HMGB1: variants seen among roughly 807,000 people sequenced by gnomAD.
HMGB1 encodes high mobility group protein B1.
For missense variants in HMGB1, 79 were observed against 253.5 expected, an observed-to-expected ratio of 0.31 and a Z score of 4.67; for synonymous variants, 81 against 84.0, an observed-to-expected ratio of 0.96 and a Z score of 0.19.
At chr13:30,506,306 C>T (rs1456876425) in intron 1 of HMGB1, among the ~76,000 whole-genome samples, 1 of 152,148 alleles carries the variant, frequency 6.6e-6, no homozygotes, top group Non-Finnish European at 1.5e-5. Context: ...GACTGAAGGG[C>T]ATATTCTCCT....
At chr13:30,477,224 T>C (rs558208492) in intron 1 of HMGB1, among the ~76,000 whole-genome samples, 1 of 152,328 alleles carries the variant, frequency 6.6e-6, no homozygotes, top group South Asian at 2.1e-4. Context: ...AGTTTGCATA[T>C]ATAAAATCTG....
At chr13:30,556,351 C>T (rs1172135087) in intron 1 of HMGB1, among the ~76,000 whole-genome samples, 1 of 152,114 alleles carries the variant, frequency 6.6e-6, no homozygotes, top group Non-Finnish European at 1.5e-5. Context: ...TTGCAGTGAG[C>T]CGAGATCCTG....
chr13:30,531,887 A>G (rs1169483820), intron 1 of HMGB1, among the ~76,000 whole-genome samples: 1 of 151,648 alleles, frequency 6.6e-6, no homozygotes, highest in Non-Finnish European at 1.5e-5. Flanking sequence ...ATAGGGCAAG[A>G]CTGTCTCAAA....
intron 1 of HMGB1, among the ~76,000 whole-genome samples, chr13:30,585,743 A>G (rs909781997): frequency 5.3e-5 from 8 of 152,176 alleles, no homozygotes; most frequent in African/African-American, 1.9e-4. Flanking sequence ...AACATCACAA[A>G]GCTCTGATAT....
At chr13:30,507,447 C>T (rs1887894049) in intron 1 of HMGB1, among the ~76,000 whole-genome samples, 1 of 152,218 alleles carries the variant, frequency 6.6e-6, no homozygotes, top group Non-Finnish European at 1.5e-5. Context: ...CACTCTCTGG[C>T]ACAAATGTTT....
chr13:30,576,870 T>G (rs1179932936), intron 1 of HMGB1, among the ~76,000 whole-genome samples: 2 of 152,132 alleles, frequency 1.3e-5, no homozygotes, highest in Non-Finnish European at 2.9e-5. Flanking sequence ...TTGTGCTGAT[T>G]TTATCTTCAA....
rs981896854 is a variant in HMGB1, at chr13:30,459,412, A to G, written c.*1945T>C. The stretch of plus-strand genomic sequence containing the variant: ...AGTTACAAATTCTCCTTGAGCCAGA[A>G]TTCATTTTAAATGGATCAGAATTAT... On this transcript the variant is annotated 3_prime_UTR_variant, in exon 5 of 5. Coordinates refer to ENST00000341423, the MANE Select transcript of HMGB1 (RefSeq NM_002128.7). 17 of 152,218 alleles carry G rather than the reference A, an allele frequency of 1.1e-4. No homozygotes were observed. Among genetic ancestry groups the G allele is most frequent in the Admixed American group, 5.2e-4 (8 of 15,286 alleles). 9.4% of individuals were successfully genotyped at this position (152,218 alleles called of 1,614,324 possible). A position where few individuals can be genotyped will look rare whatever the true frequency, so the allele number is the denominator to read the frequency against.
chr13:30,553,947 A>G, intron 1 of HMGB1: 1 of 1,469,664 alleles, frequency 6.8e-7, no homozygotes, highest in Admixed American at 1.7e-5. Flanking sequence ...ACTTCCTAAC[A>G]TGTGCTGCCA....
intron 1 of HMGB1, among the ~76,000 whole-genome samples, chr13:30,601,552 C>G (rs1167878259): frequency 2.4e-5 from 1 of 41,564 alleles, no homozygotes; most frequent in Non-Finnish European, 4.3e-5. Flanking sequence ...GAGACCATCC[C>G]GGCTAAAACG....
intron 1 of HMGB1, among the ~76,000 whole-genome samples, chr13:30,615,108 C>T (rs1950548229): frequency 6.6e-6 from 1 of 152,144 alleles, no homozygotes; most frequent in East Asian, 1.9e-4. Context: ...TACGGCTACA[C>T]TTAAAAATAT....
intron 1 of HMGB1, among the ~76,000 whole-genome samples, chr13:30,495,489 T>C (rs999945746): frequency 4.2e-4 from 64 of 151,298 alleles, no homozygotes; most frequent in African/African-American, 1.4e-3. Flanking sequence ...TCTTTTTTTT[T>C]TTTTTTGGAG....
chr13:30,476,230 G>A (rs1319778623), intron 1 of HMGB1, among the ~76,000 whole-genome samples: 2 of 149,484 alleles, frequency 1.3e-5, no homozygotes, highest in African/African-American at 2.5e-5. Context: ...GCCTCATTGC[G>A]ACCTCAGCCT....
chr13:30,566,875 A>G (rs1051480261), intron 1 of HMGB1, among the ~76,000 whole-genome samples: 5 of 152,254 alleles, frequency 3.3e-5, no homozygotes, highest in Non-Finnish European at 7.3e-5. Flanking sequence ...AACATCACCT[A>G]AATAGAAACT....
At chr13:30,473,393 T>G (rs1886993967) in intron 1 of HMGB1, among the ~76,000 whole-genome samples, 1 of 152,152 alleles carries the variant, frequency 6.6e-6, no homozygotes, top group Non-Finnish European at 1.5e-5. Flanking sequence ...AGTCAAAGAA[T>G]GGTACACATG....
chr13:30,509,663 T>G (rs1887947742), intron 1 of HMGB1, among the ~76,000 whole-genome samples: 1 of 152,168 alleles, frequency 6.6e-6, no homozygotes, highest in South Asian at 2.1e-4. Context: ...TGCAAAACTT[T>G]GGTTTTTGAG....
At chr13:30,589,316 T>C (rs975939750) in intron 1 of HMGB1, among the ~76,000 whole-genome samples, 1 of 152,156 alleles carries the variant, frequency 6.6e-6, no homozygotes, top group Non-Finnish European at 1.5e-5. Context: ...ATCATTCTTA[T>C]TTTATGCATT....
intron 1 of HMGB1, among the ~76,000 whole-genome samples, chr13:30,479,245 T>G (rs1461914414): frequency 6.6e-6 from 1 of 152,228 alleles, no homozygotes; most frequent in African/African-American, 2.4e-5. Context: ...TTTGCTTCTC[T>G]TCTGCTCTCT....
At chr13:30,551,245 G>C (rs1869416096) in intron 1 of HMGB1, among the ~76,000 whole-genome samples, 1 of 152,140 alleles carries the variant, frequency 6.6e-6, no homozygotes, top group Non-Finnish European at 1.5e-5. Flanking sequence ...TTATTTCATG[G>C]TTAAATACAT....
At chr13:30,609,319 G>A (rs1950491978) in intron 1 of HMGB1, among the ~76,000 whole-genome samples, 1 of 152,098 alleles carries the variant, frequency 6.6e-6, no homozygotes, top group African/African-American at 2.4e-5. Flanking sequence ...GTAAGCGTAA[G>A]AAAATCTGAG....
Sources: gnomAD v4.1 joint callset for allele counts (sites outside exome capture counted in the v4.1 genomes callset) on GRCh38, gnomAD v4.1.1 for gene constraint, MANE v1.5 for transcripts, NCBI Gene and HGNC (gene_info 2026-07-23, HGNC 2026-07-21) for gene names.